CRACD: variants seen among roughly 807,000 people sequenced by gnomAD.
The protein encoded by CRACD is capping protein-inhibiting regulator of actin dynamics.
In CRACD, 56 loss-of-function variants were observed where a neutral mutation model predicts 106.8. The ratio of observed to expected loss-of-function variants is 0.52; its 90% CI spans 0.42 to 0.66. The LOEUF (loss-of-function observed/expected upper bound fraction) is 0.66, where lower values mean the gene tolerates loss of function less well. Among genes scored for constraint, CRACD ranks in the 30% least tolerant of loss-of-function variants. CRACD has a pLI of 0.00. For synonymous variants in CRACD, 754 were observed against 670.8 expected, an observed-to-expected ratio of 1.12 and a Z score of -1.92; for missense variants, 1,730 against 1,623.2, an observed-to-expected ratio of 1.07 and a Z score of -1.13.
intron 1 of CRACD, among the ~76,000 whole-genome samples, chr4:56,049,615 G>A (rs558872702): frequency 4.6e-4 from 70 of 152,246 alleles, no homozygotes; most frequent in African/African-American, 1.7e-3. Context: ...CTCTTCCCGC[G>A]CCTCGCCATC....
intron 2 of CRACD, among the ~76,000 whole-genome samples, chr4:56,218,119 A>T (rs984732983): frequency 2.0e-5 from 3 of 152,142 alleles, no homozygotes; most frequent in African/African-American, 7.2e-5. Context: ...GGGCCACCCT[A>T]CTGACCCCAT....
intron 2 of CRACD, among the ~76,000 whole-genome samples, chr4:56,222,845 G>A (rs536993429): frequency 6.6e-6 from 1 of 152,050 alleles, no homozygotes; most frequent in South Asian, 2.1e-4. Flanking sequence ...TGTGGGTGGT[G>A]TGCGCCTGTA....
chr4:56,054,145 T>G (rs1731972370), intron 1 of CRACD, among the ~76,000 whole-genome samples: 2 of 152,174 alleles, frequency 1.3e-5, no homozygotes, highest in South Asian at 4.1e-4. Context: ...CTTGGCTACC[T>G]TTACATTTTG....
At chr4:56,055,257 A>G (rs921668745) in intron 1 of CRACD, among the ~76,000 whole-genome samples, 8 of 152,064 alleles carry the variant, frequency 5.3e-5, no homozygotes, top group East Asian at 1.9e-4. Flanking sequence ...ATAAGGAGAC[A>G]GGGAGCGGGA....
At chr4:56,255,101 G>A (rs1377898293) in intron 2 of CRACD, among the ~76,000 whole-genome samples, 19 of 118,616 alleles carry the variant, frequency 1.6e-4, no homozygotes, top group African/African-American at 5.8e-4. Context: ...GTGACAGAGT[G>A]AGACTCCATC....
chr4:56,237,596 T>C (rs1456908208), intron 2 of CRACD, among the ~76,000 whole-genome samples: 1 of 152,126 alleles, frequency 6.6e-6, no homozygotes, highest in Non-Finnish European at 1.5e-5. Context: ...TGCTGAACAT[T>C]TTAAATGGTT....
rs1223215534 is a variant in CRACD at position 56,328,441 on chromosome 4, A to G, written c.*637A>G. 3 of 517,312 alleles carry G rather than the reference A, an allele frequency of 5.8e-6. No individual in the cohort carries two copies. The highest frequency in any genetic ancestry group is 1.9e-5 in the African/African-American group (1 of 51,924). The allele number at this position is 517,312 out of a possible 1,614,324, so 32.0% of individuals were successfully genotyped here. ...CACATTTTTACCGCACTGTGGATTC[A>G]TAGTGTGGGGCCCTGTTATTCCAAT... is the stretch of plus-strand genomic sequence containing the variant. On this transcript the variant is annotated 3_prime_UTR_variant, in exon 11 of 11. Coordinates refer to ENST00000682029, the MANE Select transcript of CRACD (RefSeq NM_001393381.1).
intron 1 of CRACD, among the ~76,000 whole-genome samples, chr4:56,053,533 A>G (rs1577932076): frequency 6.6e-6 from 1 of 152,246 alleles, no homozygotes; most frequent in East Asian, 1.9e-4. Flanking sequence ...TTACATTTAT[A>G]TCTTCTACAT....
At chr4:56,325,354 T>C (rs1018289349) in intron 10 of CRACD, among the ~76,000 whole-genome samples, 1 of 152,042 alleles carries the variant, frequency 6.6e-6, no homozygotes, top group Admixed American at 6.5e-5. Context: ...AAAAGATAAA[T>C]GTGTAAAATG....
intron 1 of CRACD, among the ~76,000 whole-genome samples, chr4:56,062,944 C>G (rs1021396612): frequency 1.3e-5 from 2 of 152,210 alleles, no homozygotes; most frequent in Non-Finnish European, 1.5e-5. Flanking sequence ...TTACCTCACT[C>G]TGCCAGTCCC....
At chr4:56,198,404 T>C (rs1737723775) in intron 2 of CRACD, among the ~76,000 whole-genome samples, 1 of 152,196 alleles carries the variant, frequency 6.6e-6, no homozygotes, top group Non-Finnish European at 1.5e-5. Context: ...AGTCTCATTC[T>C]TACCCTTGTA....
In CRACD at chr4:56,233,095, T is replaced by C. The variant is rs541339855; in HGVS notation, c.-188-39226T>C. Among the ~76,000 whole-genome samples the C allele has an allele frequency of 2.1e-4, 31 of 150,290 alleles. No homozygotes were observed. The East Asian group carries it at 6.0e-3, about 29-fold the overall frequency. Reference sequence around the variant, plus strand: ...CCATTTGTATATCTACTTTGTGAAATGTTCATTTCTTTTCTCAGTTTTTAA... The same window carrying C: ...CCATTTGTATATCTACTTTGTGAAACGTTCATTTCTTTTCTCAGTTTTTAA... On this transcript the variant is annotated intron_variant, in intron 2 of 10. Coordinates refer to ENST00000682029, the MANE Select transcript of CRACD (RefSeq NM_001393381.1).
intron 8 of CRACD, 139 bp from the exon 9 acceptor site, chr4:56,323,238 G>GCTC: frequency 1.5e-6 from 1 of 657,994 alleles, no homozygotes; most frequent in Non-Finnish European, 2.5e-6. Context: ...TCAGGCATCA[G>GCTC]CACAGAGGTT....
intron 3 of CRACD, among the ~76,000 whole-genome samples, chr4:56,290,816 G>A (rs1297895066): frequency 3.3e-5 from 5 of 152,136 alleles, no homozygotes; most frequent in African/African-American, 1.2e-4. Context: ...CCAATCCAAA[G>A]GGACCATTTT....
chr4:56,070,385 C>T (rs971152180), intron 1 of CRACD, among the ~76,000 whole-genome samples: 2 of 151,614 alleles, frequency 1.3e-5, no homozygotes, highest in Non-Finnish European at 2.9e-5. Context: ...CTGCAAGCTC[C>T]GCCTCCCGGG....
intron 2 of CRACD, among the ~76,000 whole-genome samples, chr4:56,250,475 G>C (rs73162413): frequency 0.03 from 4,544 of 152,236 alleles, 228 homozygotes; most frequent in African/African-American, 0.1. Context: ...ACAGATTATG[G>C]AACTTGCCCA....
At chr4:56,192,096 C>T (rs1737395478) in intron 2 of CRACD, among the ~76,000 whole-genome samples, 1 of 152,120 alleles carries the variant, frequency 6.6e-6, no homozygotes, top group Non-Finnish European at 1.5e-5. Context: ...ACTCTTTATT[C>T]AAGAAGGTAT....
At chr4:56,233,642 T>C (rs1386516147) in intron 2 of CRACD, among the ~76,000 whole-genome samples, 1 of 152,218 alleles carries the variant, frequency 6.6e-6, no homozygotes, top group African/African-American at 2.4e-5. Flanking sequence ...GTGTTATTTC[T>C]CCAGTTTTGT....
chr4:56,070,955 G>A (rs1267400972), intron 1 of CRACD, among the ~76,000 whole-genome samples: 1 of 149,732 alleles, frequency 6.7e-6, no homozygotes, highest in Non-Finnish European at 1.5e-5. Context: ...TTTTTGCCTA[G>A]CAGCTGCCCT....
Sources: allele counts gnomAD v4.1 joint callset (sites outside exome capture counted in the v4.1 genomes callset), GRCh38; gene constraint gnomAD v4.1.1; transcripts MANE v1.5; gene names NCBI Gene and HGNC (gene_info 2026-07-23, HGNC 2026-07-21).